Variants in FNIP1 observed in about 807,000 individuals in gnomAD.
FNIP1 encodes the protein folliculin interacting protein 1, also known as folliculin-interacting protein 1.
FNIP1 carries 40 observed loss-of-function variants against 124.5 expected under a neutral mutation model. The observed-to-expected ratio is 0.32, with a 90% confidence interval of 0.25 to 0.42. The LOEUF (loss-of-function observed/expected upper bound fraction) is 0.42. FNIP1 is among the 10% of genes least tolerant of loss of function. The pLI is 1.00. For synonymous variants in FNIP1, 472 were observed against 470.6 expected (o/e 1.00, Z -0.04); for missense variants, 1,176 against 1,403.7 (o/e 0.84, Z 2.59).
At chr5:131,706,769 T>C (rs1245366007) in intron 8 of FNIP1, among the ~76,000 whole-genome samples, 1 of 152,250 alleles carries the variant, frequency 6.6e-6, no homozygotes, top group Admixed American at 6.5e-5. Flanking sequence ...AATCCCCTTT[T>C]GGCATTCCCC....
chr5:131,719,824 A>G (rs1255293041), intron 3 of FNIP1, among the ~76,000 whole-genome samples: 1 of 152,252 alleles, frequency 6.6e-6, no homozygotes, highest in East Asian at 1.9e-4. Flanking sequence ...AAGAATATGC[A>G]GAATAATTTT....
At chr5:131,777,825 C>T (rs1771862042) in intron 1 of FNIP1, among the ~76,000 whole-genome samples, 1 of 152,122 alleles carries the variant, frequency 6.6e-6, no homozygotes, top group African/African-American at 2.4e-5. Context: ...GTTAGAAATA[C>T]AAATTCCTGG....
chr5:131,683,189 G>A (rs1017674414), intron 11 of FNIP1, among the ~76,000 whole-genome samples: 3 of 151,940 alleles, frequency 2.0e-5, no homozygotes, highest in Non-Finnish European at 2.9e-5. Context: ...TCAGGGGATT[G>A]GTTCCAGAAT....
At chr5:131,777,215 T>A (rs914545179) in intron 1 of FNIP1, among the ~76,000 whole-genome samples, 6 of 152,014 alleles carry the variant, frequency 3.9e-5, no homozygotes, top group Non-Finnish European at 7.4e-5. Flanking sequence ...AGAAATATTT[T>A]AAAAATTAAA....
At chr5:131,649,491 T>A (rs1175448568) in intron 16 of FNIP1, among the ~76,000 whole-genome samples, 1 of 152,216 alleles carries the variant, frequency 6.6e-6, no homozygotes, top group Non-Finnish European at 1.5e-5. Flanking sequence ...TCCTTTGCCA[T>A]TTTTTAATTC....
intron 2 of FNIP1, among the ~76,000 whole-genome samples, chr5:131,736,383 T>C (rs1770305164): frequency 6.6e-6 from 1 of 152,222 alleles, no homozygotes; most frequent in Non-Finnish European, 1.5e-5. Context: ...AGTAAATCTG[T>C]TATCTACTTA....
At chr5:131,673,868 C>T (rs1453488920) in intron 13 of FNIP1, among the ~76,000 whole-genome samples, 3 of 151,430 alleles carry the variant, frequency 2.0e-5, no homozygotes, top group African/African-American at 7.3e-5. Context: ...AAACCCTGTA[C>T]CTACTAAAAA....
chr5:131,704,932 A>T (rs1769036054), intron 9 of FNIP1, among the ~76,000 whole-genome samples: 1 of 152,144 alleles, frequency 6.6e-6, no homozygotes, highest in Admixed American at 6.5e-5. Context: ...AAAAAAAAAT[A>T]AACTGGACTA....
chr5:131,790,449 C>T (rs966598167), intron 1 of FNIP1, among the ~76,000 whole-genome samples: 7 of 139,868 alleles, frequency 5.0e-5, no homozygotes, highest in South Asian at 2.3e-4. Context: ...ACCGCTCTCC[C>T]GCCTGGGCGA....
chr5:131,769,128 C>T (rs988065757), intron 1 of FNIP1, among the ~76,000 whole-genome samples: 5 of 152,034 alleles, frequency 3.3e-5, no homozygotes, highest in Admixed American at 1.3e-4. Flanking sequence ...CCCATGTAAA[C>T]ATACCAAGAA....
intron 1 of FNIP1, among the ~76,000 whole-genome samples, chr5:131,755,909 T>A (rs1001580833): frequency 6.6e-6 from 1 of 151,420 alleles, no homozygotes; most frequent in Non-Finnish European, 1.5e-5. Context: ...CTTGGGAGGC[T>A]GAAGAAGGAG....
chr5:131,693,751 C>G (rs1768594498), intron 11 of FNIP1, among the ~76,000 whole-genome samples: 1 of 151,930 alleles, frequency 6.6e-6, no homozygotes, highest in African/African-American at 2.4e-5. Flanking sequence ...ATTAAAAACT[C>G]TGCTCTGTGA....
chr5:131,757,640 A>G (rs967224099), intron 1 of FNIP1, among the ~76,000 whole-genome samples: 4 of 152,066 alleles, frequency 2.6e-5, no homozygotes, highest in African/African-American at 4.8e-5. Flanking sequence ...AAGGCCAAAA[A>G]AAAAAAAAAA....
intron 8 of FNIP1, among the ~76,000 whole-genome samples, chr5:131,707,275 T>C (rs879879377): frequency 6.6e-6 from 1 of 152,226 alleles, no homozygotes; most frequent in Admixed American, 6.5e-5. Context: ...ATCAGGCTTT[T>C]CCCCACTGGA....
At position 131,647,761 on chromosome 5, in the gene FNIP1, C is replaced by T. The variant is rs1171837029; in HGVS notation, c.3307-556G>A. On this transcript the variant is annotated intron_variant, in intron 16 of 17. Coordinates refer to ENST00000510461, the MANE Select transcript of FNIP1 (RefSeq NM_133372.3). ...AAGTTCTGGGATTACAAGTGTGAGC[C>T]ACCATGTCCAGCCCTTTTTAACCAT... Among the ~76,000 whole-genome samples, 4 of 152,126 alleles carry T rather than the reference C, an allele frequency of 2.6e-5. No individual in the cohort carries two copies. The East Asian group carries it at 5.8e-4, about 22-fold the overall frequency.
chr5:131,722,868 T>C (rs2149544739), intron 3 of FNIP1, among the ~76,000 whole-genome samples: 1 of 152,308 alleles, frequency 6.6e-6, no homozygotes, highest in Non-Finnish European at 1.5e-5. Context: ...GTATTTTTAG[T>C]AGAGACAGGG....
intron 10 of FNIP1, among the ~76,000 whole-genome samples, chr5:131,701,241 G>GA (rs1466781486): frequency 6.6e-6 from 1 of 152,152 alleles, no homozygotes; most frequent in African/African-American, 2.4e-5. Context: ...CCCCATCCGT[G>GA]AAAAAATTAT....
At chr5:131,679,006 A>T in intron 12 of FNIP1, 23 bp downstream of exon 12, 1 of 1,522,360 alleles carries the variant, frequency 6.6e-7, no homozygotes, top group African/African-American at 1.4e-5. Flanking sequence ...CTAGATATCT[A>T]GTTATAATAA....
At chr5:131,700,626 CT>C (rs2149531143) in intron 10 of FNIP1, among the ~76,000 whole-genome samples, 1 of 152,106 alleles carries the variant, frequency 6.6e-6, no homozygotes, top group South Asian at 2.1e-4. Context: ...TGGTAGTGTT[CT>C]TCCTTAATCT....
Sources: gnomAD v4.1 joint callset for allele counts (sites outside exome capture counted in the v4.1 genomes callset) on GRCh38, gnomAD v4.1.1 for gene constraint, MANE v1.5 for transcripts, NCBI Gene and HGNC (gene_info 2026-07-23, HGNC 2026-07-21) for gene names.